The following LINGO2 variants were observed in gnomAD, a reference collection of about 807,000 sequenced individuals.
The protein encoded by LINGO2 is leucine rich repeat and Ig domain containing 2, also known as leucine-rich repeat and immunoglobulin-like domain-containing nogo receptor-interacting protein 2.
A neutral mutation model predicts 30.6 loss-of-function variants in LINGO2; 14 were observed. That is an observed-to-expected ratio of 0.46 (90% CI 0.30 to 0.72). The LOEUF (loss-of-function observed/expected upper bound fraction) is 0.72. Ranked by LOEUF, LINGO2 falls within the 30% of genes least tolerant of loss-of-function variation. The pLI is 0.07. For synonymous variants in LINGO2, 317 were observed against 288.5 expected (o/e 1.10, Z -1.00); for missense variants, 729 against 751.7 (o/e 0.97, Z 0.35).
intron 1 of LINGO2, among the ~76,000 whole-genome samples, chr9:28,658,110 T>G (rs572641414): frequency 1.4e-3 from 209 of 152,230 alleles, no homozygotes; most frequent in African/African-American, 4.1e-3. Flanking sequence ...TCAGAAAATA[T>G]AATTTGTATG....
the LINGO2 span, among the ~76,000 whole-genome samples, chr9:28,707,470 T>A: frequency 3.3e-5 from 5 of 152,190 alleles, no homozygotes; most frequent in Non-Finnish European, 7.3e-5. Context: ...TTAATTTATA[T>A]ATTCTTTTCC....
At chr9:28,093,261 G>C (rs138815195) in intron 4 of LINGO2, among the ~76,000 whole-genome samples, 1 of 152,152 alleles carries the variant, frequency 6.6e-6, no homozygotes, top group African/African-American at 2.4e-5. Flanking sequence ...TCATTTCCTT[G>C]TCACAGAGCT....
chr9:28,621,442 C>T (rs757189089), intron 1 of LINGO2, among the ~76,000 whole-genome samples: 11 of 151,768 alleles, frequency 7.2e-5, no homozygotes, highest in East Asian at 1.9e-4. Context: ...AGTGTGTCAC[C>T]GAGAAATAGT....
intron 2 of LINGO2, among the ~76,000 whole-genome samples, chr9:28,430,846 G>T (rs1280733568): frequency 1.3e-5 from 2 of 152,064 alleles, no homozygotes; most frequent in Non-Finnish European, 2.9e-5. Flanking sequence ...GTTGACTGGG[G>T]TTGCAGTGAT....
chr9:28,406,329 G>T (rs1174675354), intron 2 of LINGO2, among the ~76,000 whole-genome samples: 1 of 22,414 alleles, frequency 4.5e-5, no homozygotes. Context: ...TCAGCTACTT[G>T]GGAGGCTGAG....
At chr9:28,551,161 G>A (rs1024711015) in intron 1 of LINGO2, among the ~76,000 whole-genome samples, 1 of 151,436 alleles carries the variant, frequency 6.6e-6, no homozygotes, top group Non-Finnish European at 1.5e-5. Flanking sequence ...AGCAAGTCTT[G>A]TATTAATATT....
chr9:28,708,824 A>T, the LINGO2 span, among the ~76,000 whole-genome samples: 3 of 135,212 alleles, frequency 2.2e-5, no homozygotes, highest in African/African-American at 6.1e-5. Context: ...TCATCTATCC[A>T]TCATCTATCT....
chr9:28,475,878 CT>C (rs1286386641), intron 2 of LINGO2, 61 bp downstream of exon 4: 2 of 152,694 alleles, frequency 1.3e-5, no homozygotes, highest in African/African-American at 2.4e-5. Context: ...ACTATGCAGA[CT>C]TTTTGCATAA....
chr9:28,008,248 T>C (rs1043577228), intron 5 of LINGO2, among the ~76,000 whole-genome samples: 14 of 152,188 alleles, frequency 9.2e-5, no homozygotes, highest in Admixed American at 6.6e-4. Flanking sequence ...TTATGATGTT[T>C]CTCAGCCTTC....
chr9:28,312,360 AGG>A (rs897081717), intron 3 of LINGO2, among the ~76,000 whole-genome samples: 6 of 151,976 alleles, frequency 3.9e-5, no homozygotes, highest in African/African-American at 1.4e-4. Flanking sequence ...GGGAGAGAAG[AGG>A]GGGTAATAGA....
the LINGO2 span, among the ~76,000 whole-genome samples, chr9:28,839,917 C>T: frequency 6.6e-6 from 1 of 152,164 alleles, no homozygotes; most frequent in Non-Finnish European, 1.5e-5. Context: ...CTCAGCACCC[C>T]CTCATCCTCC....
the LINGO2 span, among the ~76,000 whole-genome samples, chr9:29,119,363 G>GCGCACACA: frequency 6.6e-6 from 1 of 151,160 alleles, no homozygotes; most frequent in Non-Finnish European, 1.5e-5. Context: ...GCACGTGTGC[G>GCGCACACA]CGCACACACA....
chr9:28,219,559 G>C (rs1343588988), intron 4 of LINGO2, among the ~76,000 whole-genome samples: 1 of 152,138 alleles, frequency 6.6e-6, no homozygotes, highest in Non-Finnish European at 1.5e-5. Flanking sequence ...CAGAATGCCT[G>C]TCACATAGAT....
chr9:28,997,182 A>G, the LINGO2 span, among the ~76,000 whole-genome samples: 2 of 152,116 alleles, frequency 1.3e-5, no homozygotes, highest in Admixed American at 6.6e-5. Flanking sequence ...TAATCCCAGC[A>G]CTCTGGGAGG....
chr9:28,867,247 G>C, the LINGO2 span, among the ~76,000 whole-genome samples: 1 of 151,992 alleles, frequency 6.6e-6, no homozygotes, highest in African/African-American at 2.4e-5. Context: ...AGTAGAGCAA[G>C]TAAAATAATA....
At chr9:29,031,497 G>T in the LINGO2 span, among the ~76,000 whole-genome samples, 4 of 152,012 alleles carry the variant, frequency 2.6e-5, no homozygotes, top group South Asian at 8.3e-4. Context: ...TGGCCAGGCT[G>T]GTCTCAAACT....
At chr9:29,038,377 C>A in the LINGO2 span, among the ~76,000 whole-genome samples, 9 of 151,892 alleles carry the variant, frequency 5.9e-5, no homozygotes, top group African/African-American at 2.2e-4. Flanking sequence ...GTTTGTTGGC[C>A]ATTTTCTGAA....
At chr9:28,784,525 G>A in the LINGO2 span, among the ~76,000 whole-genome samples, 15 of 152,116 alleles carry the variant, frequency 9.9e-5, no homozygotes, top group African/African-American at 2.9e-4. Flanking sequence ...TTGTAGAGAT[G>A]AGTAAAATAG....
chr9:28,212,453 T>C (rs1346432318), intron 4 of LINGO2, among the ~76,000 whole-genome samples: 1 of 151,474 alleles, frequency 6.6e-6, no homozygotes, highest in Non-Finnish European at 1.5e-5. Context: ...GTTCCTTCTT[T>C]TGATAAAACT....
Sources: gnomAD v4.1 joint callset for allele counts (sites outside exome capture counted in the v4.1 genomes callset) on GRCh38, gnomAD v4.1.1 for gene constraint, MANE v1.5 for transcripts, NCBI Gene and HGNC (gene_info 2026-07-23, HGNC 2026-07-21) for gene names.